Variants in POLR1A observed in about 807,000 individuals in gnomAD.
POLR1A encodes the protein DNA-directed RNA polymerase I subunit RPA1.
In POLR1A, 84 loss-of-function variants were observed where a neutral mutation model predicts 205.3. The ratio of observed to expected loss-of-function variants is 0.41; its 90% CI spans 0.34 to 0.49. The LOEUF is 0.49. POLR1A is among the 20% of genes least tolerant of loss of function. The probability of loss-of-function intolerance (pLI) is 0.22; values close to 1 mark genes in which losing one functional copy is unlikely to be tolerated. For synonymous variants in POLR1A, 799 were observed against 863.7 expected (o/e 0.93, Z 1.31); for missense variants, 1,645 against 2,204.5 (o/e 0.75, Z 5.08).
At chr2:86,095,230 G>A (rs935943084) in intron 3 of POLR1A, among the ~76,000 whole-genome samples, 3 of 152,088 alleles carry the variant, frequency 2.0e-5, no homozygotes, top group Non-Finnish European at 2.9e-5. Flanking sequence ...TAATGTCTTC[G>A]GGACTGAAGC....
At chr2:86,087,157 G>A (rs1673516914) in intron 6 of POLR1A, among the ~76,000 whole-genome samples, 1 of 152,170 alleles carries the variant, frequency 6.6e-6, no homozygotes, top group Non-Finnish European at 1.5e-5. Context: ...TAGGGCAAAT[G>A]AAGTAAACAG....
intron 14 of POLR1A, among the ~76,000 whole-genome samples, chr2:86,055,100 T>A (rs1292579503): frequency 6.6e-6 from 1 of 152,146 alleles, no homozygotes; most frequent in South Asian, 2.1e-4. Flanking sequence ...ATCGAGACCA[T>A]CCTGGCCAAC....
At chr2:86,080,577 C>T (rs1489871811) in intron 9 of POLR1A, among the ~76,000 whole-genome samples, 1 of 152,162 alleles carries the variant, frequency 6.6e-6, no homozygotes, top group Non-Finnish European at 1.5e-5. Flanking sequence ...CTAGGGTCAC[C>T]TGGCATGGTC....
intron 14 of POLR1A, among the ~76,000 whole-genome samples, chr2:86,061,587 C>CCCATTTGT (rs1359306162): frequency 6.6e-6 from 1 of 152,084 alleles, no homozygotes; most frequent in Non-Finnish European, 1.5e-5. Flanking sequence ...TCACAGTAGC[C>CCCATTTGT]CCATTTGTAA....
At chr2:86,032,907 T>G (rs1672422205) in intron 28 of POLR1A, among the ~76,000 whole-genome samples, 1 of 152,172 alleles carries the variant, frequency 6.6e-6, no homozygotes, top group Non-Finnish European at 1.5e-5. Flanking sequence ...AGCTAGCAGG[T>G]GAACTCACGG....
In POLR1A at chr2:86,032,277, C is replaced by T; in HGVS notation, c.4267G>A (p.Glu1423Lys). The change falls in exon 29 of 34, where the codon GAG becomes AAG. Residue 1423 changes from glutamate (E) to lysine (K), a missense_variant. By Grantham distance (56) the Glu-to-Lys change is moderately conservative. Around this residue, in one of 16 missense-constraint regions of POLR1A, gnomAD observed 394 missense variants for 468.5 expected, o/e 0.84. Transcript: ENST00000263857. ...SDAKRKEKQE[E>K]EVDYESEEEE... is the part of the protein sequence containing the mutation. ...CCCCACACAGGGTCTCTCACCTCCT[C>T]CTCCTGCTTCTCCTTGCGTTTGGCA... The T allele has an allele frequency of 6.2e-7, 1 of 1,607,184 alleles. No homozygotes were observed. Among genetic ancestry groups the T allele is most frequent in the Non-Finnish European group, 8.5e-7 (1 of 1,173,668 alleles).
intron 13 of POLR1A, among the ~76,000 whole-genome samples, chr2:86,069,676 A>G (rs1047626713): frequency 2.0e-5 from 3 of 152,246 alleles, no homozygotes; most frequent in Non-Finnish European, 2.9e-5. Context: ...GAACCATTAC[A>G]GTGTTGGGAT....
intron 33 of POLR1A, 96 bp from the exon 34 acceptor site, chr2:86,027,619 C>T (rs1335809870): frequency 1.2e-5 from 14 of 1,121,358 alleles, no homozygotes; most frequent in Non-Finnish European, 1.5e-5. Flanking sequence ...TCTCGGGACT[C>T]AGGTGGGTCC....
intron 3 of POLR1A, among the ~76,000 whole-genome samples, chr2:86,096,699 T>C (rs1673710136): frequency 6.6e-6 from 1 of 152,156 alleles, no homozygotes; most frequent in African/African-American, 2.4e-5. Context: ...TAATAAATGA[T>C]GCTGGGAAAA....
rs942819872 is a variant in POLR1A at position 86,068,390 on chromosome 2, G to GT, written c.1866+1627_1866+1628insA. Among the ~76,000 whole-genome samples, 12 of 117,480 alleles carry GT rather than the reference G, an allele frequency of 1.0e-4. 2 individuals are homozygous for GT. The highest frequency in any genetic ancestry group is 3.6e-5 in the Non-Finnish European group (2 of 55,144). The allele number at this position is 117,480 out of a possible 152,430, so 77.1% of individuals were successfully genotyped here. A position where few individuals can be genotyped will look rare whatever the true frequency, so the allele number is the denominator to read the frequency against. ...ACGCACAGCCAAGCACATGGGCGGG[G>GT]GGGGGGGGCGGGTGTCGTCCAAAGC... On this transcript the variant is annotated intron_variant, in intron 13 of 33. Transcript: ENST00000263857.
chr2:86,057,254 T>C (rs1338707816), intron 14 of POLR1A, among the ~76,000 whole-genome samples: 1 of 152,102 alleles, frequency 6.6e-6, no homozygotes, highest in Non-Finnish European at 1.5e-5. Context: ...ATGGCAGCAG[T>C]AGTAGAAATA....
rs767623180 is a variant in POLR1A at position 86,043,209 on chromosome 2, CA to C, written c.3136-15del. On this transcript the variant is annotated splice_polypyrimidine_tract_variant and intron_variant, in intron 22 of 33. Coordinates refer to ENST00000263857, the MANE Select transcript of POLR1A (RefSeq NM_015425.6). ...TTTCATTATCACCTAAACAAACAAA[CA>C]AAAAAACAAACAAACAAATCACACA... The C allele has an allele frequency of 9.5e-6, 15 of 1,585,946 alleles. No homozygotes were observed. The highest frequency in any genetic ancestry group is 1.3e-5 in the Non-Finnish European group (15 of 1,156,874).
chr2:86,056,365 T>C (rs930629035), intron 14 of POLR1A, among the ~76,000 whole-genome samples: 3 of 151,832 alleles, frequency 2.0e-5, no homozygotes, highest in Non-Finnish European at 4.4e-5. Context: ...GGCAGGAGAA[T>C]TGCTTTAACC....
chr2:86,066,285 C>T (rs1673083043), intron 13 of POLR1A, among the ~76,000 whole-genome samples: 1 of 152,164 alleles, frequency 6.6e-6, no homozygotes, highest in Non-Finnish European at 1.5e-5. Flanking sequence ...CTTCACAACA[C>T]AGCACAGGGT....
chr2:86,079,889 A>C (rs912634676), intron 9 of POLR1A, among the ~76,000 whole-genome samples: 3 of 152,094 alleles, frequency 2.0e-5, no homozygotes. Flanking sequence ...AGGGACATCA[A>C]CCCTGGTCAC....
intron 12 of POLR1A, among the ~76,000 whole-genome samples, chr2:86,072,504 C>T (rs1201104977): frequency 6.6e-6 from 1 of 152,234 alleles, no homozygotes; most frequent in African/African-American, 2.4e-5. Flanking sequence ...TGGTAGGCAC[C>T]GGCCAATCCA....
At chr2:86,033,055 C>A (rs551334003) in intron 28 of POLR1A, among the ~76,000 whole-genome samples, 1 of 152,332 alleles carries the variant, frequency 6.6e-6, no homozygotes, top group East Asian at 1.9e-4. Flanking sequence ...CATCCCCAAC[C>A]CAAGCAGGCT....
At position 86,033,650 on chromosome 2, in the gene POLR1A, G is replaced by A. The variant is rs763252395; in HGVS notation, c.4161+11C>T. Reference sequence around the variant, plus strand: ...CTGTGCAACTCTAGTGACCCCCGGGGACTCACTCACCCGACTCCTCCCCAA... The same window carrying A: ...CTGTGCAACTCTAGTGACCCCCGGGAACTCACTCACCCGACTCCTCCCCAA... On this transcript the variant is annotated intron_variant, in intron 28 of 33. Transcript: ENST00000263857. 2.5e-6 allele frequency: 4 copies of A among 1,612,276 alleles called. No individual in the cohort carries two copies. Among genetic ancestry groups the A allele is most frequent in the Non-Finnish European group, 3.4e-6 (4 of 1,179,540 alleles).
chr2:86,089,400 AAGC>A (rs1265493293), intron 4 of POLR1A, among the ~76,000 whole-genome samples: 1 of 152,226 alleles, frequency 6.6e-6, no homozygotes, highest in East Asian at 1.9e-4. Context: ...GCATGAAGTG[AAGC>A]AGATTCCAAG....
Sources: gnomAD v4.1 joint callset for allele counts (sites outside exome capture counted in the v4.1 genomes callset) on GRCh38, gnomAD v4.1.1 for gene constraint, gnomAD v4.1.1 regional missense constraint, MANE v1.5 for transcripts, NCBI Gene and HGNC (gene_info 2026-07-23, HGNC 2026-07-21) for gene names.